FAM135B: variants seen among roughly 807,000 people sequenced by gnomAD.
FAM135B encodes protein FAM135B.
Under a neutral mutation model 127.7 loss-of-function variants are expected in FAM135B, and 43 were observed. The ratio of observed to expected loss-of-function variants is 0.34; its 90% CI spans 0.26 to 0.43. FAM135B has a LOEUF of 0.43. FAM135B is among the 20% of genes least tolerant of loss of function. The pLI is 1.00. For synonymous variants in FAM135B, 670 were observed against 665.1 expected (o/e 1.01, Z -0.11); for missense variants, 1,558 against 1,725.6 (o/e 0.90, Z 1.72).
At chr8:138,135,972 T>C (rs1048224515) in intron 19 of FAM135B, among the ~76,000 whole-genome samples, 4 of 151,966 alleles carry the variant, frequency 2.6e-5, no homozygotes, top group Admixed American at 6.6e-5. Flanking sequence ...GAAAAGTAGG[T>C]AGTGATAGAG....
At chr8:138,396,056 G>T (rs1453248364) in intron 1 of FAM135B, among the ~76,000 whole-genome samples, 1 of 152,186 alleles carries the variant, frequency 6.6e-6, no homozygotes, top group Non-Finnish European at 1.5e-5. Context: ...CTGTTTATGT[G>T]CCTCAATTTA....
intron 3 of FAM135B, among the ~76,000 whole-genome samples, chr8:138,306,173 G>A (rs564966354): frequency 6.6e-6 from 1 of 152,006 alleles, no homozygotes; most frequent in Non-Finnish European, 1.5e-5. Context: ...GGTGGCTCAC[G>A]CCTGTAATAC....
chr8:138,152,800 T>C lies in FAM135B; in HGVS notation c.1675A>G (p.Ser559Gly), dbSNP rs1339460580. The change falls in exon 13 of 20, where the codon AGC (serine) becomes GGC (glycine). Residue 559 changes from serine (S) to glycine (G), a missense_variant. Transcript: ENST00000395297. ...PVLTYIDVKS[S>G]NKNPSRAEPL... ...TCAGCTCTGGAGGGGTTCTTATTGC[T>C]AGATTTTACGTCAATGTAGGTCAGC... The C allele has an allele frequency of 1.9e-6, 3 of 1,614,192 alleles. 1 individual carries two copies. The highest frequency in any genetic ancestry group is 1.7e-6 in the Non-Finnish European group (2 of 1,180,036).
intron 1 of FAM135B, among the ~76,000 whole-genome samples, chr8:138,475,758 G>T (rs1013374788): frequency 6.6e-6 from 1 of 152,206 alleles, no homozygotes; most frequent in African/African-American, 2.4e-5. Context: ...TGGAACAACA[G>T]ACATGTTTTT....
intron 7 of FAM135B, among the ~76,000 whole-genome samples, chr8:138,230,400 C>A (rs934162375): frequency 6.6e-6 from 1 of 152,136 alleles, no homozygotes; most frequent in Non-Finnish European, 1.5e-5. Context: ...ATTCACTACC[C>A]TTCAGAATGT....
chr8:138,248,932 AGGATCCCCAAAAAGTAAGT>A (rs1158474683), intron 6 of FAM135B, among the ~76,000 whole-genome samples: 3 of 152,184 alleles, frequency 2.0e-5, no homozygotes, highest in Non-Finnish European at 4.4e-5. Context: ...GACTTATCCA[AGGATCCCCAAAAAGTAAGT>A]GGTAGGGCTA....
chr8:138,333,872 T>C (rs1316126332), intron 2 of FAM135B, among the ~76,000 whole-genome samples: 2 of 152,158 alleles, frequency 1.3e-5, no homozygotes, highest in Non-Finnish European at 2.9e-5. Flanking sequence ...TCCATTTTAG[T>C]GGCCAGAATC....
intron 7 of FAM135B, among the ~76,000 whole-genome samples, chr8:138,234,595 ATTT>A (rs1294206064): frequency 6.6e-6 from 1 of 152,180 alleles, no homozygotes; most frequent in South Asian, 2.1e-4. Context: ...CCTGAAAAAC[ATTT>A]TTTTCTGGTA....
At chr8:138,489,925 G>A (rs1351277836) in intron 1 of FAM135B, among the ~76,000 whole-genome samples, 1 of 152,178 alleles carries the variant, frequency 6.6e-6, no homozygotes, top group African/African-American at 2.4e-5. Flanking sequence ...GTGGGGTTAG[G>A]TGTCCTTCTC....
chr8:138,400,934 C>T (rs1314667691), intron 1 of FAM135B, among the ~76,000 whole-genome samples: 1 of 152,186 alleles, frequency 6.6e-6, no homozygotes, highest in Non-Finnish European at 1.5e-5. Flanking sequence ...ACTGAACCAT[C>T]AACCATTTTA....
At chr8:138,386,076 C>T (rs1382157078) in intron 1 of FAM135B, among the ~76,000 whole-genome samples, 3 of 151,802 alleles carry the variant, frequency 2.0e-5, no homozygotes, top group Admixed American at 6.6e-5. Context: ...AGTAGCTGGG[C>T]GTGGTGGTGC....
At chr8:138,397,719 C>A (rs978527773) in intron 1 of FAM135B, among the ~76,000 whole-genome samples, 3 of 152,184 alleles carry the variant, frequency 2.0e-5, no homozygotes, top group Non-Finnish European at 2.9e-5. Context: ...ACAGATTAAG[C>A]CTCTTTCTCC....
chr8:138,314,129 C>T (rs1826897572), intron 2 of FAM135B, among the ~76,000 whole-genome samples: 1 of 152,148 alleles, frequency 6.6e-6, no homozygotes, highest in South Asian at 2.1e-4. Flanking sequence ...ATGAGCTTCA[C>T]TCAGCTATGA....
intron 1 of FAM135B, among the ~76,000 whole-genome samples, chr8:138,419,809 G>C (rs957018228): frequency 1.3e-5 from 2 of 152,044 alleles, no homozygotes; most frequent in Non-Finnish European, 2.9e-5. Context: ...TGAAAACAAA[G>C]ATACAACATA....
chr8:138,325,610 A>G (rs1426252188), intron 2 of FAM135B, among the ~76,000 whole-genome samples: 1 of 152,218 alleles, frequency 6.6e-6, no homozygotes, highest in East Asian at 1.9e-4. Flanking sequence ...AAGCTAGCTA[A>G]TTAAGCTCTT....
At chr8:138,166,314 G>A (rs1332542467) in intron 12 of FAM135B, among the ~76,000 whole-genome samples, 1 of 152,166 alleles carries the variant, frequency 6.6e-6, no homozygotes, top group Admixed American at 6.5e-5. Context: ...GACAAGAAAC[G>A]AGCCTTGACC....
chr8:138,311,387 A>C (rs1343126397), intron 2 of FAM135B, among the ~76,000 whole-genome samples: 1 of 152,222 alleles, frequency 6.6e-6, no homozygotes, highest in Non-Finnish European at 1.5e-5. Flanking sequence ...TGCCAAATGC[A>C]CTTTTCCCTG....
At chr8:138,488,049 A>G (rs993231123) in intron 1 of FAM135B, among the ~76,000 whole-genome samples, 2 of 151,960 alleles carry the variant, frequency 1.3e-5, no homozygotes, top group African/African-American at 2.4e-5. Context: ...ATCTGAGGAG[A>G]TGGACAGGGG....
chr8:138,488,762 G>T (rs1474206798), intron 1 of FAM135B, among the ~76,000 whole-genome samples: 1 of 152,160 alleles, frequency 6.6e-6, no homozygotes. Flanking sequence ...CGCCTCCCAG[G>T]TTCAAGCAAT....
Sources: allele counts gnomAD v4.1 joint callset (sites outside exome capture counted in the v4.1 genomes callset), GRCh38; gene constraint gnomAD v4.1.1; transcripts MANE v1.5; gene names NCBI Gene and HGNC (gene_info 2026-07-23, HGNC 2026-07-21).